Variants in PRUNE2 observed in about 807,000 individuals in gnomAD.
PRUNE2 encodes protein prune homolog 2.
Under a neutral mutation model 252.0 loss-of-function variants are expected in PRUNE2, and 164 were observed. The ratio of observed to expected loss-of-function variants is 0.65; its 90% CI spans 0.57 to 0.74. The LOEUF (loss-of-function observed/expected upper bound fraction) is 0.74. Ranked by LOEUF, PRUNE2 falls within the 30% of genes least tolerant of loss-of-function variation. PRUNE2 has a pLI of 0.00. For missense variants in PRUNE2, 3,495 were observed against 3,711.0 expected, an observed-to-expected ratio of 0.94 and a Z score of 1.51; for synonymous variants, 1,292 against 1,350.2, an observed-to-expected ratio of 0.96 and a Z score of 0.94.
In PRUNE2 at chr9:76,849,899, T is replaced by TA. The variant is rs567195210; in HGVS notation, c.344+563dup. Among the ~76,000 whole-genome samples, 419 of 152,232 alleles carry TA rather than the reference T, an allele frequency of 2.8e-3. 3 individuals are homozygous for TA. The highest frequency in any genetic ancestry group is 9.6e-3 in the African/African-American group (398 of 41,550). ...GTCAATTTTATAAGAACTTTACACT[T>TA]AAAGATTTCATATCTGAAATGCAAA... On this transcript the variant is annotated intron_variant, in intron 3 of 18. Coordinates refer to ENST00000376718, the MANE Select transcript of PRUNE2 (RefSeq NM_015225.3).
At chr9:76,776,984 C>T (rs892704189) in intron 6 of PRUNE2, among the ~76,000 whole-genome samples, 10 of 150,936 alleles carry the variant, frequency 6.6e-5, no homozygotes, top group African/African-American at 2.4e-4. Context: ...CGGAGATTCT[C>T]GGCACTCCTA....
chr9:76,849,873 G>A (rs1026043643), intron 3 of PRUNE2, among the ~76,000 whole-genome samples: 4 of 151,860 alleles, frequency 2.6e-5, no homozygotes, highest in African/African-American at 9.7e-5. Flanking sequence ...CCTATAATTT[G>A]GTCAATTTTA....
intron 1 of PRUNE2, among the ~76,000 whole-genome samples, chr9:76,867,360 G>A (rs541544950): frequency 1.3e-4 from 20 of 152,122 alleles, no homozygotes; most frequent in Middle Eastern, 6.8e-3. Flanking sequence ...CACGCAAAAC[G>A]ATCACACACC....
Position 76,846,216 on chromosome 9 carries a change from G to A in PRUNE2, c.508+299C>T, listed in dbSNP as rs540312353. On this transcript the variant is annotated intron_variant, in intron 4 of 18. Coordinates refer to ENST00000376718, the MANE Select transcript of PRUNE2 (RefSeq NM_015225.3). ...TGGGGCAAGAATCACCTCTGGTAGT[G>A]ATTAAAATTGCCAGAGGTGCTATTC... 2.6e-5 allele frequency among the ~76,000 whole-genome samples: 4 copies of A among 152,282 alleles called. No individual in the cohort carries two copies. The South Asian group carries it at 8.3e-4, about 32-fold the overall frequency.
chr9:76,757,414 G>T (rs185036467), intron 6 of PRUNE2, among the ~76,000 whole-genome samples: 7 of 152,278 alleles, frequency 4.6e-5, no homozygotes, highest in Non-Finnish European at 8.8e-5. Flanking sequence ...TCTGAGTCAT[G>T]TTAGTTTTGA....
At chr9:76,771,991 A>G (rs1221322752) in intron 6 of PRUNE2, among the ~76,000 whole-genome samples, 1 of 152,212 alleles carries the variant, frequency 6.6e-6, no homozygotes, top group Admixed American at 6.5e-5. Flanking sequence ...AATCTGCACT[A>G]CAGCAAATTT....
intron 1 of PRUNE2, among the ~76,000 whole-genome samples, chr9:76,864,462 AATAAAT>A (rs1386537290): frequency 1.8e-4 from 26 of 147,206 alleles, no homozygotes; most frequent in African/African-American, 6.6e-4. Context: ...TACATAAATA[AATAAAT>A]ATAAATAAAT....
chr9:76,731,338 T>TGAGACAGGGTATTGA (rs1410906315), intron 6 of PRUNE2, among the ~76,000 whole-genome samples: 1 of 137,058 alleles, frequency 7.3e-6, no homozygotes, highest in Admixed American at 7.2e-5. Context: ...TTTTTTTTTT[T>TGAGACAGGGTATTGA]TTGAGACAGG....
intron 6 of PRUNE2, among the ~76,000 whole-genome samples, chr9:76,741,601 G>A (rs1184157206): frequency 1.3e-5 from 2 of 152,102 alleles, no homozygotes; most frequent in African/African-American, 2.4e-5. Context: ...GCCCTCCTGC[G>A]AAGGTAACTC....
chr9:76,738,224 A>T (rs1564186644), intron 6 of PRUNE2: 1 of 152,216 alleles, frequency 6.6e-6, no homozygotes, highest in African/African-American at 2.4e-5. Flanking sequence ...AGGCGTAAAC[A>T]TTAGCGAGCA....
intron 6 of PRUNE2, among the ~76,000 whole-genome samples, chr9:76,724,682 C>G (rs1313527291): frequency 1.3e-5 from 2 of 152,162 alleles, no homozygotes; most frequent in Admixed American, 1.3e-4. Context: ...AGATTGAATA[C>G]TTGAATGGGG....
chr9:76,825,432 T>G (rs2058289293), intron 5 of PRUNE2, among the ~76,000 whole-genome samples: 1 of 152,198 alleles, frequency 6.6e-6, no homozygotes, highest in Non-Finnish European at 1.5e-5. Flanking sequence ...GGAGCCAACT[T>G]GCTTGCTGAA....
chr9:76,673,918 G>A (rs1397941914), intron 9 of PRUNE2, among the ~76,000 whole-genome samples: 2 of 151,958 alleles, frequency 1.3e-5, no homozygotes. Context: ...AATAATAAGA[G>A]CTATCTATGA....
chr9:76,852,788 C>T (rs2060030121), intron 2 of PRUNE2, among the ~76,000 whole-genome samples: 1 of 151,618 alleles, frequency 6.6e-6, no homozygotes, highest in Non-Finnish European at 1.5e-5. Flanking sequence ...TTATTTTTAT[C>T]TAGCCATCTG....
chr9:76,625,347 G>A (rs1320592446), intron 16 of PRUNE2, among the ~76,000 whole-genome samples: 2 of 152,210 alleles, frequency 1.3e-5, no homozygotes, highest in African/African-American at 2.4e-5. Context: ...CTGTACAGGT[G>A]TGTAGCCTAG....
At chr9:76,722,028 T>A (rs901930220) in intron 6 of PRUNE2, among the ~76,000 whole-genome samples, 49 of 152,136 alleles carry the variant, frequency 3.2e-4, no homozygotes, top group Admixed American at 3.0e-3. Context: ...ATTTTCCATG[T>A]TTTTTCCAGA....
intron 4 of PRUNE2, among the ~76,000 whole-genome samples, chr9:76,834,071 C>T (rs1298681182): frequency 3.3e-5 from 5 of 151,676 alleles, no homozygotes; most frequent in South Asian, 4.1e-4. Flanking sequence ...TTAGGAGAGA[C>T]GGGGTTTCAC....
intron 6 of PRUNE2, among the ~76,000 whole-genome samples, chr9:76,732,607 A>C (rs187305926): frequency 6.6e-6 from 1 of 152,364 alleles, no homozygotes. Flanking sequence ...GATTAACTTA[A>C]GAATGTGTAG....
intron 6 of PRUNE2, among the ~76,000 whole-genome samples, chr9:76,757,826 GAC>G (rs993015624): frequency 3.0e-4 from 45 of 152,070 alleles, no homozygotes; most frequent in Non-Finnish European, 2.8e-4. Flanking sequence ...TAGTTCCAGT[GAC>G]TCAGGAAGCT....
Sources: allele counts gnomAD v4.1 joint callset (sites outside exome capture counted in the v4.1 genomes callset), GRCh38; gene constraint gnomAD v4.1.1; transcripts MANE v1.5; gene names NCBI Gene and HGNC (gene_info 2026-07-23, HGNC 2026-07-21).